The following EML3 variants were observed in gnomAD, a reference collection of about 807,000 sequenced individuals.
EML3 encodes the protein echinoderm microtubule-associated protein-like 3.
In EML3, 53 loss-of-function variants were observed where a neutral mutation model predicts 106.7. The ratio of observed to expected loss-of-function variants is 0.50; its 90% CI spans 0.40 to 0.62. EML3 has a LOEUF of 0.62. Among genes scored for constraint, EML3 ranks in the 20% least tolerant of loss-of-function variants. EML3 has a pLI of 0.00. For synonymous variants in EML3, 499 were observed against 489.6 expected (o/e 1.02, Z -0.25); for missense variants, 994 against 1,209.1 (o/e 0.82, Z 2.64).
In EML3 at chr11:62,605,163, A is replaced by G; in HGVS notation, c.1932T>C (p.Ala644=). 6.2e-7 allele frequency: 1 copy of G among 1,612,932 alleles called. No homozygotes were observed. Among genetic ancestry groups the G allele is most frequent in the Non-Finnish European group, 8.5e-7 (1 of 1,179,326 alleles). ...SIDLKETGLC[A]DFHPSGAVVA... ...CAACTGCCCCACTCGGGTGGAAGTC[A>G]GCACAGAGACCAGTCTCCTGGGAGA... is the stretch of plus-strand genomic sequence containing the variant. The change falls in exon 16 of 22, where the codon GCT becomes GCC. Residue 644 remains alanine, a synonymous_variant. Transcript: ENST00000394773. The surrounding 1 kb of genome is among the most constrained non-coding windows in gnomAD (Gnocchi z 5.2).
intron 19 of EML3, among the ~76,000 whole-genome samples, chr11:62,603,502 A>G (rs774971974): frequency 7.2e-5 from 11 of 152,178 alleles, no homozygotes; most frequent in Admixed American, 1.3e-4. Flanking sequence ...GCCCTGAGAA[A>G]CTTTTCCCAA....
rs752106990 is a variant in EML3, at chr11:62,602,592, G to A, written c.2574C>T (p.Gly858=). 47 of 1,549,214 alleles carry A rather than the reference G, an allele frequency of 3.0e-5. 1 individual carries two copies. Among genetic ancestry groups the A allele is most frequent in the Admixed American group, 1.7e-4 (9 of 51,712 alleles). The change falls in exon 22 of 22, where the codon GGC becomes GGT. Residue 858 remains glycine (G), a synonymous_variant. Coordinates refer to ENST00000394773, the MANE Select transcript of EML3 (RefSeq NM_153265.3). ...THDDSHLVSL[G]GKDASIFQWR... ...ACTGGAAGATGCTGGCGTCCTTGCC[G>A]CCCAGCGAGACGAGGTGCGAGTCGT...
intron 11 of EML3, 110 bp downstream of exon 11, chr11:62,607,556 G>A: frequency 2.4e-6 from 3 of 1,227,132 alleles, no homozygotes; most frequent in Non-Finnish European, 1.1e-6. Flanking sequence ...AAAAAAAAAA[G>A]GTCACAGGGG....
chr11:62,612,051 C>A (rs1312407676), intron 1 of EML3: 4 of 382,490 alleles, frequency 1.0e-5, no homozygotes, highest in Admixed American at 4.4e-5. Flanking sequence ...TACTGAGGAC[C>A]CAGAGTACAA....
intron 12 of EML3, 75 bp downstream of exon 12, chr11:62,606,883 T>G (rs2134372607): frequency 3.8e-6 from 5 of 1,305,118 alleles, no homozygotes; most frequent in East Asian, 2.6e-5. Flanking sequence ...AAGATGGGAA[T>G]GGGAAACCCT....
At position 62,603,833 on chromosome 11, in the gene EML3, A is replaced by G. The variant is rs1413584655; in HGVS notation, c.2170-17T>C. The G allele has an allele frequency of 2.9e-5, 47 of 1,613,736 alleles. No individual in the cohort carries two copies. Among genetic ancestry groups the G allele is most frequent in the Non-Finnish European group, 3.6e-5 (43 of 1,179,750 alleles). On this transcript the variant is annotated splice_polypyrimidine_tract_variant and intron_variant, in intron 18 of 21. Transcript: ENST00000394773. Reference sequence around the variant, plus strand: ...GGAGTGACCCTGGGAGCAAAGGTCAAGAGTTTTAAAGTATCCCATCCATTT... The same window carrying G: ...GGAGTGACCCTGGGAGCAAAGGTCAGGAGTTTTAAAGTATCCCATCCATTT...
At chr11:62,609,182 A>G in intron 6 of EML3, 50 bp from the exon 7 acceptor site, 1 of 1,607,944 alleles carries the variant, frequency 6.2e-7, no homozygotes, top group Non-Finnish European at 8.5e-7. Context: ...GGGCAGGAGG[A>G]GGAAGAGGGG....
chr11:62,605,155 T>G lies in EML3; in HGVS notation c.1940A>C (p.His647Pro). 2.5e-6 allele frequency: 4 copies of G among 1,612,836 alleles called. No homozygotes were observed. Among genetic ancestry groups the G allele is most frequent in the Non-Finnish European group, 3.4e-6 (4 of 1,179,360 alleles). The change falls in exon 16 of 22, where the codon CAC becomes CCC. Residue 647 changes from histidine to proline, a missense_variant. This residue lies in a region of EML3 where 713 missense variants were observed against 920.5 expected (regional missense o/e 0.77). Transcript: ENST00000394773. The surrounding 1 kb of genome is among the most constrained non-coding windows in gnomAD (Gnocchi z 5.2). ...LKETGLCADF[H>P]PSGAVVAVGL... ...TACGGCCACAACTGCCCCACTCGGG[T>G]GGAAGTCAGCACAGAGACCAGTCTC...
intron 12 of EML3, 102 bp downstream of exon 12, chr11:62,606,856 C>CAA (rs71056532): frequency 0.17 from 155,348 of 898,642 alleles, 5,286 homozygotes; most frequent in Non-Finnish European, 0.19. Flanking sequence ...GACCTCATCT[C>CAA]AAAAAAAAAA....
intron 9 of EML3, 108 bp from the exon 10 acceptor site, chr11:62,608,404 T>C (rs769504657): frequency 8.3e-5 from 112 of 1,345,340 alleles, no homozygotes; most frequent in Non-Finnish European, 1.1e-4. Context: ...CAGAAAAAGT[T>C]GACACACATG....
rs769418199 is a variant in EML3 at position 62,610,866 on chromosome 11, A to C, written c.566+13T>G. 6.3e-7 allele frequency: 1 copy of C among 1,583,548 alleles called. No homozygotes were observed. Among genetic ancestry groups the C allele is most frequent in the Non-Finnish European group, 8.6e-7 (1 of 1,166,968 alleles). On this transcript the variant is annotated intron_variant, in intron 4 of 21. Coordinates refer to ENST00000394773, the MANE Select transcript of EML3 (RefSeq NM_153265.3). ...GCCTGGGGCGGGGTGGGTTGAGGGGAAGCCTCACCCACCTCTCTGTGCTCC... is the reference window on the plus strand; with the variant it reads ...GCCTGGGGCGGGGTGGGTTGAGGGGCAGCCTCACCCACCTCTCTGTGCTCC...
intron 16 of EML3, 28 bp from the exon 17 acceptor site, chr11:62,604,229 A>G: frequency 6.2e-7 from 1 of 1,611,448 alleles, no homozygotes; most frequent in Non-Finnish European, 8.5e-7. Context: ...GGAGGCAGAT[A>G]GGAAGACGAA....
chr11:62,611,231 C>T lies in EML3; in HGVS notation c.308G>A (p.Ser103Asn). Residue 103 changes from serine to asparagine, a missense_variant, in exon 3 of 22, where the codon AGC becomes AAC. By Grantham distance (46) the Ser-to-Asn change is conservative (BLOSUM62 1). Coordinates refer to ENST00000394773, the MANE Select transcript of EML3 (RefSeq NM_153265.3). The part of the protein sequence containing the change: ...LKSSPGPPGL[S>N]NGPPAPQGAS... ...CCCCTGAGGGGCTGGGGGTCCATTG[C>T]TCAGGCCAGGGGGTCCAGGGGATGA... 1 of 1,612,098 alleles carries T rather than the reference C, an allele frequency of 6.2e-7. No individual in the cohort carries two copies.
chr11:62,606,287 C>T (rs986964879), intron 12 of EML3, 73 bp from the exon 13 acceptor site: 12 of 1,535,522 alleles, frequency 7.8e-6, no homozygotes, highest in Non-Finnish European at 1.1e-5. Context: ...GCTTGGCTGT[C>T]GCAATACAGT....
Position 62,605,037 on chromosome 11 carries a change from C to A in EML3, c.1982+76G>T. Reference sequence around the variant, plus strand: ...GCTCCTGGGTAGAGGTGGTCACTCTCGCCCACTCCCCCAGTACCAGGAACC... The same window carrying A: ...GCTCCTGGGTAGAGGTGGTCACTCTAGCCCACTCCCCCAGTACCAGGAACC... On this transcript the variant is annotated intron_variant, in intron 16 of 21. Transcript: ENST00000394773. This position sits in a 1 kb window ranked among gnomAD's most constrained non-coding sequence, Gnocchi z 5.2. 1.4e-6 allele frequency: 2 copies of A among 1,454,910 alleles called. No homozygotes were observed. Among genetic ancestry groups the A allele is most frequent in the Non-Finnish European group, 1.9e-6 (2 of 1,078,372 alleles). 90.1% of individuals were successfully genotyped at this position (1,454,910 alleles called of 1,614,324 possible). A position where few individuals can be genotyped will look rare whatever the true frequency, so the allele number is the denominator to read the frequency against.
In EML3 at chr11:62,602,328, T is replaced by C. The variant is rs1319691338; in HGVS notation, c.*147A>G. On this transcript the variant is annotated 3_prime_UTR_variant, in exon 22 of 22. Coordinates refer to ENST00000394773, the MANE Select transcript of EML3 (RefSeq NM_153265.3). The stretch of plus-strand genomic sequence containing the variant: ...TAAACAGTGTGTGCAGGGGCGCCGT[T>C]CGCGCCCTCCAGGAAAATGCGCGAT... 1 of 1,547,658 alleles carries C rather than the reference T, an allele frequency of 6.5e-7. No homozygotes were observed. Among genetic ancestry groups the C allele is most frequent in the Non-Finnish European group, 8.7e-7 (1 of 1,144,702 alleles).
At chr11:62,606,502 T>C (rs1942526714) in intron 12 of EML3, 3 of 504,802 alleles carry the variant, frequency 5.9e-6, no homozygotes, top group Non-Finnish European at 1.1e-5. Flanking sequence ...TCTCCTTTGC[T>C]GTGCTGCCCA....
chr11:62,605,292 A>T lies in EML3; in HGVS notation c.1915-112T>A. 9.2e-7 allele frequency: 1 copy of T among 1,083,538 alleles called. No homozygotes were observed. Among genetic ancestry groups the T allele is most frequent in the Non-Finnish European group, 1.3e-6 (1 of 762,952 alleles). 67.1% of individuals were successfully genotyped at this position (1,083,538 alleles called of 1,614,324 possible). ...CACTTACTCCCAAGGAGAAGATGGG[A>T]AGAGAGGGAAGGGATACCCGGGTAT... On this transcript the variant is annotated intron_variant, in intron 15 of 21. Transcript: ENST00000394773. The surrounding 1 kb of genome is among the most constrained non-coding windows in gnomAD (Gnocchi z 5.2).
chr11:62,605,446 G>T lies in EML3; in HGVS notation c.1914+196C>A. 1 of 795,208 alleles carries T rather than the reference G, an allele frequency of 1.3e-6. No homozygotes were observed. Among genetic ancestry groups the T allele is most frequent in the Non-Finnish European group, 1.9e-6 (1 of 525,536 alleles). 49.3% of individuals were successfully genotyped at this position (795,208 alleles called of 1,614,324 possible). A position where few individuals can be genotyped will look rare whatever the true frequency, so the allele number is the denominator to read the frequency against. On this transcript the variant is annotated intron_variant, in intron 15 of 21. Transcript: ENST00000394773. The surrounding 1 kb of genome is among the most constrained non-coding windows in gnomAD (Gnocchi z 5.2). ...TCTGAGGGGTTCTGGGGGCGGCAGG[G>T]AGTGCCCAGGTGGTACTAGAAGCAT...
Sources: allele counts gnomAD v4.1 joint callset (sites outside exome capture counted in the v4.1 genomes callset), GRCh38; gene constraint gnomAD v4.1.1; regional missense constraint gnomAD v4.1.1; non-coding constraint Gnocchi (gnomAD v3.1); transcripts MANE v1.5; gene names NCBI Gene and HGNC (gene_info 2026-07-23, HGNC 2026-07-21).